Variants in SEMA3A observed in about 807,000 individuals in gnomAD.
SEMA3A encodes semaphorin-3A.
In SEMA3A, 29 loss-of-function variants were observed where a neutral mutation model predicts 97.9. The observed-to-expected ratio is 0.30, with a 90% CI of 0.22 to 0.40. SEMA3A has a LOEUF of 0.40. SEMA3A is among the 10% of genes least tolerant of loss of function. SEMA3A has a pLI of 1.00. For missense variants in SEMA3A, 763 were observed against 951.3 expected (o/e 0.80, Z 2.60); for synonymous variants, 321 against 323.7 (o/e 0.99, Z 0.09).
chr7:84,131,545 T>C, intron 2 of SEMA3A, among the ~76,000 whole-genome samples: 1 of 152,168 alleles, frequency 6.6e-6, no homozygotes, highest in East Asian at 1.9e-4. Context: ...CTTCCAAACC[T>C]GAACATGTGT....
chr7:84,255,792 G>C (rs1028825427), intron 3 of SEMA3A, among the ~76,000 whole-genome samples: 1 of 150,590 alleles, frequency 6.6e-6, no homozygotes, highest in African/African-American at 2.4e-5. Context: ...AGAAACACTC[G>C]GCACTGATTT....
intron 2 of SEMA3A, among the ~76,000 whole-genome samples, chr7:84,360,890 G>C (rs1184860161): frequency 6.6e-6 from 1 of 151,718 alleles, no homozygotes; most frequent in African/African-American, 2.4e-5. Flanking sequence ...GCCATGCCAG[G>C]TTCAAATGCA....
rs199821305 is a variant in SEMA3A at position 83,961,639 on chromosome 7, C to A, written c.2048G>T (p.Gly683Val). ...LEELLHKDDD[G>V]DGSKTKEMSN... Reference sequence around the variant, plus strand: ...CATTTCTTTGGTCTTAGAGCCATCTCCATCATCATCTTTATGAAGAAGTTC... The same window carrying A: ...CATTTCTTTGGTCTTAGAGCCATCTACATCATCATCTTTATGAAGAAGTTC... The change falls in exon 17 of 17, where the codon GGA becomes GTA. Residue 683 changes from glycine to valine, a missense_variant. By Grantham distance (109) the Gly-to-Val change is moderately radical (BLOSUM62 -3). This residue lies in a region of SEMA3A where 678 missense variants were observed against 881.3 expected (regional missense o/e 0.77). Coordinates refer to ENST00000265362, the MANE Select transcript of SEMA3A (RefSeq NM_006080.3). 1 of 1,613,940 alleles carries A rather than the reference C, an allele frequency of 6.2e-7. No individual in the cohort carries two copies.
At chr7:84,087,320 T>C (rs1490632798) in intron 4 of SEMA3A, among the ~76,000 whole-genome samples, 1 of 152,192 alleles carries the variant, frequency 6.6e-6, no homozygotes, top group Non-Finnish European at 1.5e-5. Flanking sequence ...AAGTCCCATC[T>C]GCCTGTTTAG....
intron 1 of SEMA3A, among the ~76,000 whole-genome samples, chr7:84,415,792 A>G (rs1804417190): frequency 6.6e-6 from 1 of 152,054 alleles, no homozygotes; most frequent in African/African-American, 2.4e-5. Flanking sequence ...AGTCATAGAA[A>G]AACCATAGCC....
At chr7:83,986,147 C>T (rs78730797) in intron 12 of SEMA3A, among the ~76,000 whole-genome samples, 6,397 of 152,192 alleles carry the variant, frequency 0.042, 427 homozygotes, top group African/African-American at 0.14. Context: ...AACTGGAGAA[C>T]GCTGCCTTAG....
intron 6 of SEMA3A, among the ~76,000 whole-genome samples, chr7:84,039,944 C>T: frequency 6.6e-6 from 1 of 151,912 alleles, no homozygotes; most frequent in East Asian, 1.9e-4. Flanking sequence ...CCCTCTGTCT[C>T]AGTATTCATT....
chr7:84,406,735 G>A, intron 1 of SEMA3A, among the ~76,000 whole-genome samples: 1 of 152,170 alleles, frequency 6.6e-6, no homozygotes, highest in Non-Finnish European at 1.5e-5. Context: ...TGGGATGCAA[G>A]GCTGGTTCAA....
chr7:83,973,979 G>C (rs1368204435), intron 15 of SEMA3A, among the ~76,000 whole-genome samples: 1 of 151,538 alleles, frequency 6.6e-6, no homozygotes, highest in African/African-American at 2.4e-5. Context: ...ATGGGAAGTG[G>C]TTTATAGGTA....
At chr7:83,973,270 T>G (rs1788993127) in intron 15 of SEMA3A, among the ~76,000 whole-genome samples, 1 of 152,120 alleles carries the variant, frequency 6.6e-6, no homozygotes, top group Non-Finnish European at 1.5e-5. Flanking sequence ...AACAGACAAT[T>G]TTCCTTGCTA....
rs1796698798 is a variant in SEMA3A at position 84,152,351 on chromosome 7, AC to A, written c.113-17401del. Reference sequence around the variant, plus strand: ...ATGTGGCACATATACACCATGGAATACTATGCAGCCATAAAAAATGATGAGT... The same window carrying A: ...ATGTGGCACATATACACCATGGAATATATGCAGCCATAAAAAATGATGAGT... On this transcript the variant is annotated intron_variant, in intron 1 of 16. Transcript: ENST00000265362. Among the ~76,000 whole-genome samples the A allele has an allele frequency of 2.2e-5, 3 of 138,798 alleles. No homozygotes were observed. In the South Asian group the frequency reaches 7.3e-4, roughly 34 times the overall value. 91.1% of individuals were successfully genotyped at this position (138,798 alleles called of 152,430 possible).
rs1355214155 is a variant in SEMA3A, at chr7:84,002,402, T to C, written c.1361-356A>G. On this transcript the variant is annotated intron_variant, in intron 11 of 16. Coordinates refer to ENST00000265362, the MANE Select transcript of SEMA3A (RefSeq NM_006080.3). ...ATTCTTTTCATTATTTCTAAAAATA[T>C]CTCCTTAATTGCCTGGTATCTCAGA... Among the ~76,000 whole-genome samples, 3 of 152,162 alleles carry C rather than the reference T, an allele frequency of 2.0e-5. No individual in the cohort carries two copies. In the East Asian group the frequency reaches 5.8e-4, roughly 29 times the overall value.
intron 1 of SEMA3A, among the ~76,000 whole-genome samples, chr7:84,166,654 C>T (rs1002264233): frequency 9.2e-5 from 14 of 151,358 alleles, no homozygotes; most frequent in Non-Finnish European, 1.9e-4. Context: ...GGGTGGATCA[C>T]GAGGTCAGGA....
At chr7:84,406,380 C>A (rs1352801368) in intron 1 of SEMA3A, among the ~76,000 whole-genome samples, 1 of 152,142 alleles carries the variant, frequency 6.6e-6, no homozygotes, top group Non-Finnish European at 1.5e-5. Flanking sequence ...AGACCAATAA[C>A]AGGCTCTGAA....
intron 2 of SEMA3A, among the ~76,000 whole-genome samples, chr7:84,327,685 C>G (rs1342103740): frequency 6.6e-6 from 1 of 151,694 alleles, no homozygotes; most frequent in Non-Finnish European, 1.5e-5. Flanking sequence ...TTTAATTTTT[C>G]AAAGTAGCAT....
intron 1 of SEMA3A, among the ~76,000 whole-genome samples, chr7:84,181,968 T>A (rs1401073385): frequency 6.6e-6 from 1 of 152,132 alleles, no homozygotes; most frequent in Non-Finnish European, 1.5e-5. Flanking sequence ...CCAGAAAAAC[T>A]CTATAAAATC....
At chr7:84,260,450 A>T (rs1052090320) in intron 3 of SEMA3A, among the ~76,000 whole-genome samples, 1 of 149,462 alleles carries the variant, frequency 6.7e-6, no homozygotes, top group Non-Finnish European at 1.5e-5. Context: ...GCTCAGTCAC[A>T]GATGCCCAGC....
At chr7:84,230,383 T>C (rs1317895596) in intron 3 of SEMA3A, among the ~76,000 whole-genome samples, 1 of 152,032 alleles carries the variant, frequency 6.6e-6, no homozygotes, top group Non-Finnish European at 1.5e-5. Context: ...CTTTCAAACT[T>C]CAAAACGGAT....
intron 1 of SEMA3A, among the ~76,000 whole-genome samples, chr7:84,376,327 G>A (rs994652498): frequency 1.7e-5 from 2 of 115,472 alleles, no homozygotes; most frequent in Non-Finnish European, 3.8e-5. Context: ...TGTTGGCCGG[G>A]CGCGGTGGCT....
Sources: gnomAD v4.1 joint callset for allele counts (sites outside exome capture counted in the v4.1 genomes callset) on GRCh38, gnomAD v4.1.1 for gene constraint, gnomAD v4.1.1 regional missense constraint, MANE v1.5 for transcripts, NCBI Gene and HGNC (gene_info 2026-07-23, HGNC 2026-07-21) for gene names.